PTPRG: variants seen among roughly 807,000 people sequenced by gnomAD.
The protein encoded by PTPRG is protein tyrosine phosphatase receptor type G.
PTPRG carries 102 observed loss-of-function variants against 165.3 expected under a neutral mutation model. That is an observed-to-expected ratio of 0.62 (90% CI 0.53 to 0.73). The LOEUF (loss-of-function observed/expected upper bound fraction) is 0.73. Ranked by LOEUF, PTPRG falls within the 30% of genes least tolerant of loss-of-function variation. The pLI is 0.00. For synonymous variants in PTPRG, 675 were observed against 669.5 expected (o/e 1.01, Z -0.13); for missense variants, 1,866 against 1,861.4 (o/e 1.00, Z -0.05).
At chr3:61,919,300 T>C (rs147462577) in intron 2 of PTPRG, among the ~76,000 whole-genome samples, 1,571 of 152,342 alleles carry the variant, frequency 0.01, 13 homozygotes, top group Middle Eastern at 0.031. Context: ...GGGAGTGTTT[T>C]GGGTCTCTGC....
At chr3:61,977,697 T>G (rs921262558) in intron 2 of PTPRG, among the ~76,000 whole-genome samples, 13 of 152,218 alleles carry the variant, frequency 8.5e-5, no homozygotes, top group Non-Finnish European at 1.9e-4. Context: ...ATTTATATGA[T>G]TCAGTGTTCA....
At chr3:61,660,049 AC>A (rs1262641563) in intron 1 of PTPRG, among the ~76,000 whole-genome samples, 2 of 152,080 alleles carry the variant, frequency 1.3e-5, no homozygotes, top group Non-Finnish European at 2.9e-5. Flanking sequence ...ACATGGTGAA[AC>A]CCTGTCTCTA....
At chr3:62,140,687 A>C (rs1227894861) in intron 6 of PTPRG, among the ~76,000 whole-genome samples, 2 of 152,024 alleles carry the variant, frequency 1.3e-5, no homozygotes, top group Non-Finnish European at 2.9e-5. Context: ...TCTCTACTAA[A>C]AATACAAAAA....
intron 2 of PTPRG, among the ~76,000 whole-genome samples, chr3:61,837,476 T>G (rs547918344): frequency 6.6e-6 from 1 of 152,358 alleles, no homozygotes; most frequent in East Asian, 1.9e-4. Context: ...TGCCCATGTC[T>G]TGCTGAATGT....
chr3:62,041,100 G>A (rs978513305), intron 4 of PTPRG, among the ~76,000 whole-genome samples: 1 of 152,200 alleles, frequency 6.6e-6, no homozygotes, highest in African/African-American at 2.4e-5. Flanking sequence ...CCTGATGCTT[G>A]TGGTGGTTGT....
chr3:61,803,028 T>A (rs903836962), intron 2 of PTPRG, among the ~76,000 whole-genome samples: 2 of 152,246 alleles, frequency 1.3e-5, no homozygotes, highest in African/African-American at 2.4e-5. Context: ...TCTGATGAAC[T>A]AATATTGGAA....
intron 1 of PTPRG, among the ~76,000 whole-genome samples, chr3:61,575,955 G>C (rs183240214): frequency 1.3e-5 from 2 of 152,134 alleles, no homozygotes; most frequent in East Asian, 3.9e-4. Context: ...GTTTTTAATA[G>C]CCAGTGTTTA....
At chr3:61,662,418 C>T (rs1702691897) in intron 1 of PTPRG, among the ~76,000 whole-genome samples, 1 of 152,200 alleles carries the variant, frequency 6.6e-6, no homozygotes, top group Non-Finnish European at 1.5e-5. Context: ...AGTGGATCCT[C>T]TATCCCAGAT....
At chr3:61,691,772 T>C (rs974643948) in intron 1 of PTPRG, among the ~76,000 whole-genome samples, 1 of 152,178 alleles carries the variant, frequency 6.6e-6, no homozygotes. Context: ...CAAGAACAGA[T>C]GGTAGCATCA....
At chr3:61,973,522 C>A (rs1323373348) in intron 2 of PTPRG, among the ~76,000 whole-genome samples, 1 of 152,052 alleles carries the variant, frequency 6.6e-6, no homozygotes, top group Non-Finnish European at 1.5e-5. Context: ...AAATAGGACT[C>A]TTCATTGTGT....
At chr3:61,610,616 C>T (rs1701137052) in intron 1 of PTPRG, among the ~76,000 whole-genome samples, 1 of 152,210 alleles carries the variant, frequency 6.6e-6, no homozygotes, top group African/African-American at 2.4e-5. Flanking sequence ...AAGAGCTCAA[C>T]ACTAATGCAT....
In PTPRG at chr3:62,222,991, C is replaced by T. The variant is rs1043193758; in HGVS notation, c.2288+4008C>T. 6.6e-6 allele frequency among the ~76,000 whole-genome samples: 1 copy of T among 152,138 alleles called. No homozygotes were observed. The highest frequency in any genetic ancestry group is 1.5e-5 in the Non-Finnish European group (1 of 68,028). On this transcript the variant is annotated intron_variant, in intron 13 of 29. Coordinates refer to ENST00000474889, the MANE Select transcript of PTPRG (RefSeq NM_002841.4). The surrounding 1 kb of genome is among the most constrained non-coding windows in gnomAD (Gnocchi z 4.5). ...GAATAGGGGTTGGGGTCAGGGAAAG[C>T]TCCCTGGAGGACCTGGGCCTTGAAC...
chr3:61,668,212 A>AAAT (rs1295860424), intron 1 of PTPRG, among the ~76,000 whole-genome samples: 1 of 152,250 alleles, frequency 6.6e-6, no homozygotes, highest in African/African-American at 2.4e-5. Flanking sequence ...ATATACTTTC[A>AAAT]AATAAGATTG....
intron 2 of PTPRG, among the ~76,000 whole-genome samples, chr3:61,840,181 A>G (rs1407571546): frequency 1.3e-5 from 2 of 152,082 alleles, no homozygotes; most frequent in Admixed American, 6.5e-5. Flanking sequence ...ATATTAATTT[A>G]TGTGATTGTG....
chr3:62,281,381 T>C (rs1262933928), intron 26 of PTPRG, among the ~76,000 whole-genome samples, 182 bp from the exon 27 acceptor site: 2 of 151,874 alleles, frequency 1.3e-5, no homozygotes, highest in Non-Finnish European at 2.9e-5. Context: ...TCAAAATATA[T>C]TTTACAATAG....
At chr3:61,745,516 C>A (rs1288759727) in intron 1 of PTPRG, among the ~76,000 whole-genome samples, 1 of 152,154 alleles carries the variant, frequency 6.6e-6, no homozygotes, top group African/African-American at 2.4e-5. Flanking sequence ...CCCATGCTGA[C>A]CTTGCTGTGG....
intron 13 of PTPRG, among the ~76,000 whole-genome samples, chr3:62,223,491 T>TGG (rs56937376): frequency 3.3e-5 from 5 of 152,070 alleles, no homozygotes; most frequent in African/African-American, 1.2e-4. Context: ...ACTGGGCAAT[T>TGG]GGGGGGGCGG....
At chr3:61,886,169 T>G (rs957626536) in intron 2 of PTPRG, among the ~76,000 whole-genome samples, 2 of 152,060 alleles carry the variant, frequency 1.3e-5, no homozygotes, top group Non-Finnish European at 1.5e-5. Context: ...TGCTCGATCC[T>G]TCCTTCCAAT....
intron 2 of PTPRG, among the ~76,000 whole-genome samples, chr3:61,910,886 G>C (rs1575776196): frequency 6.6e-6 from 1 of 152,172 alleles, no homozygotes; most frequent in Non-Finnish European, 1.5e-5. Context: ...TCTTTGCCAG[G>C]TCTCAGCCCC....
Sources: gnomAD v4.1 joint callset for allele counts (sites outside exome capture counted in the v4.1 genomes callset) on GRCh38, gnomAD v4.1.1 for gene constraint, Gnocchi (gnomAD v3.1) non-coding constraint, MANE v1.5 for transcripts, NCBI Gene and HGNC (gene_info 2026-07-23, HGNC 2026-07-21) for gene names.